Variants in ARRDC2 observed in about 807,000 individuals in gnomAD.
The protein encoded by ARRDC2 is arrestin domain-containing protein 2.
ARRDC2 carries 39 observed loss-of-function variants against 38.9 expected under a neutral mutation model. The observed-to-expected ratio is 1.00, with a 90% CI of 0.78 to 1.31. The LOEUF is 1.31. Ranked by LOEUF, ARRDC2 falls within the 50% of genes most tolerant of loss-of-function variation. ARRDC2 has a pLI of 0.00. For synonymous variants in ARRDC2, 300 were observed against 261.9 expected (o/e 1.15, Z -1.41); for missense variants, 553 against 588.4 (o/e 0.94, Z 0.62).
chr19:18,007,188 A>G (rs779937503), upstream of ARRDC2: 1 of 152,146 alleles, frequency 6.6e-6, no homozygotes, highest in African/African-American at 2.4e-5. Context: ...CGCAGAGGCA[A>G]CTCCCGCTGG....
At chr19:18,011,155 A>G (rs1337515925) in intron 7 of ARRDC2, among the ~76,000 whole-genome samples, 1 of 152,020 alleles carries the variant, frequency 6.6e-6, no homozygotes, top group African/African-American at 2.4e-5. Flanking sequence ...TAGCCACCAC[A>G]CGTGGCTAAT....
intron 1 of ARRDC2, chr19:18,001,661 C>T: frequency 1.6e-6 from 2 of 1,231,634 alleles, no homozygotes; most frequent in Non-Finnish European, 2.0e-6. Context: ...CAACTTAGAA[C>T]CTATGCGGTC....
intron 7 of ARRDC2, among the ~76,000 whole-genome samples, chr19:18,011,585 G>T (rs545597604): frequency 1.4e-4 from 22 of 152,224 alleles, no homozygotes; most frequent in African/African-American, 4.8e-4. Context: ...AATATGATAG[G>T]CTGGGTGCGG....
At chr19:18,007,429 C>G (rs1021907603), upstream of ARRDC2, 2 of 152,336 alleles carry the variant, frequency 1.3e-5, no homozygotes, top group African/African-American at 4.8e-5. Flanking sequence ...AGGTACCGCT[C>G]CTGGGCGAAT....
At position 18,009,677 on chromosome 19, in the gene ARRDC2, G is replaced by T. The variant is rs17852062; in HGVS notation, c.575G>T (p.Arg192Leu). 15 of 1,610,952 alleles carry T rather than the reference G, an allele frequency of 9.3e-6. No individual in the cohort carries two copies. In the South Asian group the frequency reaches 1.1e-4, roughly 12 times the overall value. ...GLVSLSAKID[R>L]KGYTPGEVIP... is the part of the protein sequence containing the mutation. ...GTCTCCCTTTCGGCCAAGATCGACC[G>T]CAAGGGCTACACCCCAGGTAGCAGG... is the stretch of plus-strand genomic sequence containing the variant. Residue 192 changes from arginine to leucine, a missense_variant, in exon 4 of 8, where the codon CGC becomes CTC. Arg to Leu is a moderately radical substitution (Grantham distance 102, BLOSUM62 -2). Transcript: ENST00000222250.
In ARRDC2 at chr19:18,008,775, C is replaced by G. The variant is rs759924249; in HGVS notation, c.339C>G (p.Pro113=). Residue 113 remains proline, a splice_region_variant and synonymous_variant, in exon 2 of 8, where the codon CCC becomes CCG. Coordinates refer to ENST00000222250, the MANE Select transcript of ARRDC2 (RefSeq NM_015683.2). ...AGTTCCTGTTCAGCTTCCAGCTGCC[C>G]CCGTAAGTCCTCTGGGGTGCAGGGT... is the stretch of plus-strand genomic sequence containing the variant. ...RHEFLFSFQL[P]PTLVTSFEGK... The G allele has an allele frequency of 1.2e-6, 2 of 1,613,398 alleles. No individual in the cohort carries two copies. The highest frequency in any genetic ancestry group is 1.7e-6 in the Non-Finnish European group (2 of 1,179,994).
Position 18,009,879 on chromosome 19 carries a change from G to T in ARRDC2, c.689G>T (p.Arg230Leu). 1 of 1,611,126 alleles carries T rather than the reference G, an allele frequency of 6.2e-7. No individual in the cohort carries two copies. Among genetic ancestry groups the T allele is most frequent in the Non-Finnish European group, 8.5e-7 (1 of 1,179,748 alleles). Residue 230 changes from arginine (R) to leucine (L), a missense_variant, in exon 5 of 8, where the codon CGA becomes CTA. Coordinates refer to ENST00000222250, the MANE Select transcript of ARRDC2 (RefSeq NM_015683.2). ...AVVQTQTFMARGARKQKRAVV... is the reference protein window; with the variant it reads ...AVVQTQTFMALGARKQKRAVV... ...GTGCAGACACAGACGTTCATGGCCCGAGGCGCCCGAAAGCAGAAACGGGCA... is the reference window on the plus strand; with the variant it reads ...GTGCAGACACAGACGTTCATGGCCCTAGGCGCCCGAAAGCAGAAACGGGCA...
intron 7 of ARRDC2, among the ~76,000 whole-genome samples, chr19:18,011,487 G>A (rs1054039337): frequency 1.3e-5 from 2 of 152,092 alleles, no homozygotes; most frequent in Non-Finnish European, 2.9e-5. Context: ...GGCCCTCTGC[G>A]TTAGCTGGTT....
intron 5 of ARRDC2, 56 bp downstream of exon 5, chr19:18,010,095 C>T (rs936865065): frequency 8.4e-5 from 135 of 1,605,018 alleles, no homozygotes; most frequent in Non-Finnish European, 1.1e-4. Context: ...TGTATTCCCT[C>T]AGACTGGGGG....
Position 18,008,533 on chromosome 19 carries a change from T to C in ARRDC2, c.223T>C (p.Tyr75His). 2 of 1,553,656 alleles carry C rather than the reference T, an allele frequency of 1.3e-6. No homozygotes were observed. Among genetic ancestry groups the C allele is most frequent in the Non-Finnish European group, 1.7e-6 (2 of 1,157,178 alleles). Residue 75 changes from tyrosine to histidine, a missense_variant, in exon 1 of 8, where the codon TAC (tyrosine) becomes CAC (histidine). Physicochemically the swap from Tyr to His is moderately conservative, Grantham distance 83. This residue lies in a region of ARRDC2 where 447 missense variants were observed against 456.6 expected (regional missense o/e 0.98). Transcript: ENST00000222250. ...AGSSTAYTQS[Y>H]SERVEVVSHR... ...CTCGAGCACGGCTTACACGCAGAGC[T>C]ACAGTGAACGCGTGGAGGTCGTGAG...
chr19:18,009,620 T>G lies in ARRDC2; in HGVS notation c.518T>G (p.Val173Gly). ...LAPQAGAREK[V>G]ARSWYCNRGL... Reference sequence around the variant, plus strand: ...CCTCAAGCGGGGGCTCGGGAAAAGGTTGCCCGATCCTGGTACTGTAACCGT... The same window carrying G: ...CCTCAAGCGGGGGCTCGGGAAAAGGGTGCCCGATCCTGGTACTGTAACCGT... The change falls in exon 4 of 8, where the codon GTT (valine) becomes GGT (glycine). Residue 173 changes from valine (V) to glycine (G), a missense_variant. Around this residue, in one of 3 missense-constraint regions of ARRDC2, gnomAD observed 447 missense variants for 456.6 expected, o/e 0.98. Coordinates refer to ENST00000222250, the MANE Select transcript of ARRDC2 (RefSeq NM_015683.2). 2 of 1,606,846 alleles carry G rather than the reference T, an allele frequency of 1.2e-6. No homozygotes were observed. The highest frequency in any genetic ancestry group is 1.7e-6 in the Non-Finnish European group (2 of 1,174,490).
At position 18,008,955 on chromosome 19, in the gene ARRDC2, C is replaced by T. The variant is rs988158329; in HGVS notation, c.342-16C>T. 13 of 1,612,498 alleles carry T rather than the reference C, an allele frequency of 8.1e-6. No homozygotes were observed. Among genetic ancestry groups the T allele is most frequent in the African/African-American group, 4.0e-5 (3 of 74,868 alleles). ...CTCTGTATCTTGTCCCCTGAAGTCCCGTCCCTCCACCCTAGGACCCTGGTG... is the reference window on the plus strand; with the variant it reads ...CTCTGTATCTTGTCCCCTGAAGTCCTGTCCCTCCACCCTAGGACCCTGGTG... On this transcript the variant is annotated splice_polypyrimidine_tract_variant and intron_variant, in intron 2 of 7. Transcript: ENST00000222250.
chr19:18,012,935 G>A lies in ARRDC2; in HGVS notation c.1193G>A (p.Gly398Glu), dbSNP rs901890906. Residue 398 changes from glycine to glutamate, a missense_variant, in exon 8 of 8, where the codon GGG becomes GAG. Coordinates refer to ENST00000222250, the MANE Select transcript of ARRDC2 (RefSeq NM_015683.2). The stretch of plus-strand genomic sequence containing the variant: ...TAGGAGGATCCAAACCCACTCTTGG[G>A]GGACATGAGGCCGCGCTGCATGACT... ...YSEEDPNPLL[G>E]DMRPRCMTC 1.2e-6 allele frequency: 2 copies of A among 1,613,742 alleles called. No individual in the cohort carries two copies. The highest frequency in any genetic ancestry group is 3.3e-5 in the Admixed American group (2 of 59,940).
chr19:18,009,668 AG>A lies in ARRDC2; in HGVS notation c.567del (p.Ile190SerfsTer112). ...CNRGLVSLSA[K>X]IDRKGYTPGE... The stretch of plus-strand genomic sequence containing the variant: ...CGTGGCCTAGTCTCCCTTTCGGCCA[AG>A]ATCGACCGCAAGGGCTACACCCCAG... On this transcript the variant is annotated frameshift_variant, in exon 4 of 8. Coordinates refer to ENST00000222250, the MANE Select transcript of ARRDC2 (RefSeq NM_015683.2). LOFTEE classifies it high-confidence loss of function. 6.2e-7 allele frequency: 1 copy of A among 1,611,312 alleles called. No individual in the cohort carries two copies. The highest frequency in any genetic ancestry group is 8.5e-7 in the Non-Finnish European group (1 of 1,177,954).
rs1466325204 is a variant in ARRDC2 at position 18,010,231 on chromosome 19, G to A, written c.885G>A (p.Leu295=). 6.2e-7 allele frequency: 1 copy of A among 1,613,706 alleles called. No individual in the cohort carries two copies. Among genetic ancestry groups the A allele is most frequent in the Non-Finnish European group, 8.5e-7 (1 of 1,179,970 alleles). ...ATATCCCAGGAACGTCCAAGCTGCT[G>A]CTGGAGCTGCCACTGGTGATCGGCA... is the stretch of plus-strand genomic sequence containing the variant. The part of the protein sequence containing the change: ...CVDIPGTSKL[L]LELPLVIGTI... The change falls in exon 6 of 8, where the codon CTG becomes CTA. Residue 295 remains leucine (L), a synonymous_variant. Coordinates refer to ENST00000222250, the MANE Select transcript of ARRDC2 (RefSeq NM_015683.2).
At chr19:18,011,277 G>A (rs1338570520) in intron 7 of ARRDC2, among the ~76,000 whole-genome samples, 1 of 152,082 alleles carries the variant, frequency 6.6e-6, no homozygotes, top group African/African-American at 2.4e-5. Flanking sequence ...GATTATATGC[G>A]TGAGCTACCA....
upstream of ARRDC2, among the ~76,000 whole-genome samples, chr19:18,005,317 C>T (rs979831524): frequency 1.3e-5 from 2 of 151,998 alleles, no homozygotes; most frequent in Admixed American, 6.6e-5. Flanking sequence ...GTAGGGTCAC[C>T]GATCAACAGG....
upstream of ARRDC2, among the ~76,000 whole-genome samples, chr19:18,006,869 G>C (rs1845172872): frequency 6.6e-6 from 1 of 152,094 alleles, no homozygotes; most frequent in African/African-American, 2.4e-5. Flanking sequence ...ACGGCCTACT[G>C]TCTCCCCTCT....
chr19:18,002,915 C>T (rs930450231), intron 1 of ARRDC2, among the ~76,000 whole-genome samples: 26 of 152,018 alleles, frequency 1.7e-4, no homozygotes, highest in Non-Finnish European at 3.2e-4. Flanking sequence ...CCAGCCTGGC[C>T]AACATGGTGA....
Sources: allele counts gnomAD v4.1 joint callset (sites outside exome capture counted in the v4.1 genomes callset), GRCh38; gene constraint gnomAD v4.1.1; regional missense constraint gnomAD v4.1.1; transcripts MANE v1.5; gene names NCBI Gene and HGNC (gene_info 2026-07-23, HGNC 2026-07-21).